The following NOL4L variants were observed in gnomAD, a reference collection of about 807,000 sequenced individuals.
NOL4L encodes nucleolar protein 4-like.
Under a neutral mutation model 64.5 loss-of-function variants are expected in NOL4L, and 7 were observed. The observed-to-expected ratio is 0.11, with a 90% CI of 0.06 to 0.20. The LOEUF (loss-of-function observed/expected upper bound fraction) is 0.20. NOL4L is among the 10% of genes least tolerant of loss of function. The pLI is 1.00. For missense variants in NOL4L, 680 were observed against 967.1 expected (o/e 0.70, Z 3.94); for synonymous variants, 413 against 401.0 (o/e 1.03, Z -0.36).
chr20:32,473,901 G>GC (rs1324790699), intron 5 of NOL4L, among the ~76,000 whole-genome samples: 1 of 152,180 alleles, frequency 6.6e-6, no homozygotes, highest in Non-Finnish European at 1.5e-5. Context: ...CACAACCCTG[G>GC]CACACCAAGG....
At chr20:32,545,809 A>G (rs1030410357) in intron 1 of NOL4L, among the ~76,000 whole-genome samples, 8 of 152,090 alleles carry the variant, frequency 5.3e-5, no homozygotes, top group African/African-American at 1.9e-4. Context: ...TAGCGTGCTG[A>G]GTCTCAGTTC....
At chr20:32,476,850 G>A (rs550916309) in intron 4 of NOL4L, among the ~76,000 whole-genome samples, 8 of 152,364 alleles carry the variant, frequency 5.3e-5, no homozygotes, top group East Asian at 1.9e-4. Flanking sequence ...AAAACCCCAC[G>A]GGTCAGAAAT....
chr20:32,515,132 A>G (rs562036265), intron 3 of NOL4L, among the ~76,000 whole-genome samples: 8 of 152,206 alleles, frequency 5.3e-5, no homozygotes, highest in Middle Eastern at 3.4e-3. Flanking sequence ...CACCCTTGGG[A>G]GGCGTGAGAA....
intron 4 of NOL4L, among the ~76,000 whole-genome samples, chr20:32,505,058 G>C (rs1270694384): frequency 6.6e-6 from 1 of 152,194 alleles, no homozygotes; most frequent in Non-Finnish European, 1.5e-5. Flanking sequence ...CTGCTATCAG[G>C]CTCCTAAACA....
At chr20:32,561,675 T>C (rs1979029393) in intron 1 of NOL4L, among the ~76,000 whole-genome samples, 1 of 152,038 alleles carries the variant, frequency 6.6e-6, no homozygotes. Context: ...GGAGCAACAG[T>C]GAGGACTCTG....
intron 1 of NOL4L, among the ~76,000 whole-genome samples, chr20:32,571,104 C>A (rs1979721667): frequency 6.6e-6 from 1 of 152,204 alleles, no homozygotes; most frequent in Admixed American, 6.5e-5. Context: ...GCAGGGGAAC[C>A]AGCGGGCAGG....
At chr20:32,455,843 G>C in intron 6 of NOL4L, among the ~76,000 whole-genome samples, 1 of 152,202 alleles carries the variant, frequency 6.6e-6, no homozygotes, top group East Asian at 1.9e-4. Flanking sequence ...GGGTTGTGGG[G>C]ATGCATATCC....
chr20:32,453,233 C>A lies in NOL4L; in HGVS notation c.1497+71G>T. ...AAGACCCTGGGTGAAGGGGCCCGGG[C>A]ATCCTGGGAGTGTGGCAGGAGGTCA... On this transcript the variant is annotated intron_variant, in intron 8 of 10. Transcript: ENST00000621426. The surrounding 1 kb of genome is among the most constrained non-coding windows in gnomAD (Gnocchi z 5.6). 1 of 1,551,344 alleles carries A rather than the reference C, an allele frequency of 6.4e-7. No homozygotes were observed.
chr20:32,517,185 G>A (rs2017706671), intron 3 of NOL4L, among the ~76,000 whole-genome samples: 1 of 152,190 alleles, frequency 6.6e-6, no homozygotes, highest in Non-Finnish European at 1.5e-5. Flanking sequence ...CTGAGCAAAG[G>A]AGGCCACTCT....
chr20:32,499,670 C>T (rs368969083), intron 4 of NOL4L, among the ~76,000 whole-genome samples: 28 of 131,934 alleles, frequency 2.1e-4, no homozygotes, highest in East Asian at 1.7e-3. Flanking sequence ...ACCTGGGCAG[C>T]GGAGGTTGTA....
intron 1 of NOL4L, among the ~76,000 whole-genome samples, chr20:32,565,543 C>G (rs1249887110): frequency 6.6e-6 from 1 of 152,196 alleles, no homozygotes; most frequent in Non-Finnish European, 1.5e-5. Context: ...TGAACCAGGA[C>G]AGCCTGGTCT....
At chr20:32,481,969 G>GGA (rs1555794912) in intron 4 of NOL4L, among the ~76,000 whole-genome samples, 3 of 149,176 alleles carry the variant, frequency 2.0e-5, no homozygotes, top group East Asian at 2.0e-4. Context: ...CGGGGCGGGG[G>GGA]GGGGGGAGCA....
In NOL4L at chr20:32,584,768, G is replaced by C; in HGVS notation, c.123C>G (p.Thr41=). 6.5e-7 allele frequency: 1 copy of C among 1,544,014 alleles called. No individual in the cohort carries two copies. The highest frequency in any genetic ancestry group is 8.7e-7 in the Non-Finnish European group (1 of 1,145,372). The change falls in exon 1 of 11, where the codon ACC becomes ACG. Residue 41 remains threonine, a synonymous_variant. Coordinates refer to ENST00000621426, the MANE Select transcript of NOL4L (RefSeq NM_001256798.2). ...GGTATTTGCTGCGTGTCACCGTCTT[G>C]GTTTTGGCCGAGTCGCCGTAGGTGC... The part of the protein sequence containing the change: ...CLRTYGDSAK[T]KTVTRSKYQR...
At chr20:32,568,720 G>A (rs1979585395) in intron 1 of NOL4L, among the ~76,000 whole-genome samples, 3 of 152,192 alleles carry the variant, frequency 2.0e-5, no homozygotes. Flanking sequence ...AACATGGCCA[G>A]AGAAAGTGGA....
In NOL4L at chr20:32,583,059, C is replaced by G. The variant is rs1980586649; in HGVS notation, c.321+1511G>C. 1.3e-5 allele frequency among the ~76,000 whole-genome samples: 2 copies of G among 152,126 alleles called. 1 individual carries two copies. The highest frequency in any genetic ancestry group is 1.3e-4 in the Admixed American group (2 of 15,284). On this transcript the variant is annotated intron_variant, in intron 1 of 10. Transcript: ENST00000621426. ...CTGCCCCAGCTTCCCCCTCGGGGAGCCCGGTCCCGGCGCGCCCCTCTGCCC... is the reference window on the plus strand; with the variant it reads ...CTGCCCCAGCTTCCCCCTCGGGGAGGCCGGTCCCGGCGCGCCCCTCTGCCC...
intron 5 of NOL4L, among the ~76,000 whole-genome samples, chr20:32,461,563 C>T (rs1208065382): frequency 2.6e-5 from 4 of 151,220 alleles, no homozygotes; most frequent in Non-Finnish European, 4.4e-5. Context: ...GCTGGGACTA[C>T]AGGCGCCCAC....
chr20:32,495,208 C>A (rs1032448486), intron 4 of NOL4L, among the ~76,000 whole-genome samples: 1 of 152,218 alleles, frequency 6.6e-6, no homozygotes, highest in Non-Finnish European at 1.5e-5. Context: ...ACAGGAGTAT[C>A]CCAGTTAAAG....
chr20:32,482,413 C>T lies in NOL4L; in HGVS notation c.700-7671G>A, dbSNP rs570266035. The stretch of plus-strand genomic sequence containing the variant: ...GCAGCCCGGTAGGGGCGGCCGGACT[C>T]GGGCAAACGCAGCTCCGGGTGGGAG... On this transcript the variant is annotated intron_variant, in intron 4 of 10. Coordinates refer to ENST00000621426, the MANE Select transcript of NOL4L (RefSeq NM_001256798.2). Among the ~76,000 whole-genome samples the T allele has an allele frequency of 2.7e-3, 408 of 152,276 alleles. 1 individual carries two copies. The highest frequency in any genetic ancestry group is 4.3e-3 in the Admixed American group (66 of 15,306).
intron 4 of NOL4L, among the ~76,000 whole-genome samples, chr20:32,479,493 A>C (rs532897652): frequency 9.2e-5 from 14 of 152,264 alleles, no homozygotes; most frequent in African/African-American, 2.6e-4. Flanking sequence ...ACATTTTGGG[A>C]GGCTGAGGTG....
Sources: gnomAD v4.1 joint callset for allele counts (sites outside exome capture counted in the v4.1 genomes callset) on GRCh38, gnomAD v4.1.1 for gene constraint, Gnocchi (gnomAD v3.1) non-coding constraint, MANE v1.5 for transcripts, NCBI Gene and HGNC (gene_info 2026-07-23, HGNC 2026-07-21) for gene names.